TASOR: variants seen among roughly 807,000 people sequenced by gnomAD.
TASOR encodes the protein transcription activation suppressor.
Under a neutral mutation model 178.6 loss-of-function variants are expected in TASOR, and 53 were observed. The observed-to-expected ratio is 0.30, with a 90% CI of 0.24 to 0.37. The LOEUF (loss-of-function observed/expected upper bound fraction) is 0.37, where lower values mean the gene tolerates loss of function less well. Among genes scored for constraint, TASOR ranks in the 10% least tolerant of loss-of-function variants. The pLI is 1.00. For synonymous variants in TASOR, 713 were observed against 696.2 expected (o/e 1.02, Z -0.38); for missense variants, 1,815 against 1,971.4 (o/e 0.92, Z 1.50).
chr3:56,679,854 T>C (rs2031637654), intron 1 of TASOR, among the ~76,000 whole-genome samples: 1 of 152,206 alleles, frequency 6.6e-6, no homozygotes, highest in South Asian at 2.1e-4. Context: ...TTCTATAATT[T>C]GGTTAAATGT....
At chr3:56,627,520 A>G in intron 20 of TASOR, 62 bp downstream of exon 20, 1 of 1,536,580 alleles carries the variant, frequency 6.5e-7, no homozygotes. Flanking sequence ...ATAAATGGAC[A>G]GTACATTAAA....
At chr3:56,672,147 T>C (rs1559852624) in intron 2 of TASOR, among the ~76,000 whole-genome samples, 1 of 152,198 alleles carries the variant, frequency 6.6e-6, no homozygotes. Flanking sequence ...GCTCCATACA[T>C]ATTTATAGGA....
At position 56,669,372 on chromosome 3, in the gene TASOR, G is replaced by A. The variant is rs991912698; in HGVS notation, c.735+328C>T. Among the ~76,000 whole-genome samples, 43 of 151,902 alleles carry A rather than the reference G, an allele frequency of 2.8e-4. 1 individual carries two copies. Among genetic ancestry groups the A allele is most frequent in the African/African-American group, 7.0e-4 (29 of 41,344 alleles). On this transcript the variant is annotated intron_variant, in intron 5 of 23. Coordinates refer to ENST00000683822, the MANE Select transcript of TASOR (RefSeq NM_001365635.2). ...CAAAAAATTAGCCGGGCTTGGTGGCGGGCACTTGTAGTCCCAGCTACTTGG... is the reference window on the plus strand; with the variant it reads ...CAAAAAATTAGCCGGGCTTGGTGGCAGGCACTTGTAGTCCCAGCTACTTGG...
At position 56,633,673 on chromosome 3, in the gene TASOR, T is replaced by C; in HGVS notation, c.3118A>G (p.Asn1040Asp). The C allele has an allele frequency of 6.2e-7, 1 of 1,614,162 alleles. No homozygotes were observed. Among genetic ancestry groups the C allele is most frequent in the Non-Finnish European group, 8.5e-7 (1 of 1,180,026 alleles). The part of the protein sequence containing the change: ...RKIEEILKQK[N>D]VSYVSTVSTP... ...GAAACTGTACTGACATATGAAACAT[T>C]CTTTTGCTTCAAAATCTCTTCTATC... The change falls in exon 18 of 24, where the codon AAT (asparagine) becomes GAT (aspartate). Residue 1040 changes from asparagine to aspartate, a missense_variant. Coordinates refer to ENST00000683822, the MANE Select transcript of TASOR (RefSeq NM_001365635.2).
intron 1 of TASOR, among the ~76,000 whole-genome samples, chr3:56,679,221 T>A (rs9881154): frequency 0.37 from 56,207 of 151,884 alleles, 10,983 homozygotes; most frequent in East Asian, 0.49. Context: ...GATCTTTTTT[T>A]AAAATCACTT....
At chr3:56,647,705 T>A (rs1343818925) in intron 13 of TASOR, among the ~76,000 whole-genome samples, 1 of 152,160 alleles carries the variant, frequency 6.6e-6, no homozygotes, top group Non-Finnish European at 1.5e-5. Flanking sequence ...AACAGTGAAA[T>A]AAAGCCATTA....
chr3:56,682,305 G>A (rs1383314878), intron 1 of TASOR, among the ~76,000 whole-genome samples: 1 of 152,132 alleles, frequency 6.6e-6, no homozygotes, highest in Non-Finnish European at 1.5e-5. Context: ...CCATGGCCAC[G>A]GGCTATTTCC....
intron 8 of TASOR, 29 bp from the exon 9 acceptor site, chr3:56,662,519 T>A: frequency 8.5e-7 from 1 of 1,177,920 alleles, no homozygotes; most frequent in Non-Finnish European, 1.2e-6. Flanking sequence ...ATGACACAGC[T>A]TAGTCACTTG....
Position 56,624,554 on chromosome 3 carries a change from CAA to C in TASOR, c.4406_4407del (p.Leu1469ArgfsTer18). On this transcript the variant is annotated frameshift_variant, in exon 23 of 24. Transcript: ENST00000683822. LOFTEE classifies it high-confidence loss of function. The part of the protein sequence containing the change: ...AEDFMQNFKN[L>X]VGYHNSITEE... ...TCTGTGATTGAATTGTGATAGCCCA[CAA>C]GATTTTTAAAGTTTTGCATGAAGTC... 1 of 1,614,102 alleles carries C rather than the reference CAA, an allele frequency of 6.2e-7. No individual in the cohort carries two copies. The highest frequency in any genetic ancestry group is 8.5e-7 in the Non-Finnish European group (1 of 1,179,986).
rs578219623 is a variant in TASOR, at chr3:56,659,900, G to A, written c.1368+831C>T. On this transcript the variant is annotated intron_variant, in intron 11 of 23. Transcript: ENST00000683822. ...TTTTTTCTTTTTTTTTTGAGATGGA[G>A]TCTCGCTTTTGTCACTCAGGCTGGA... 1.5e-3 allele frequency among the ~76,000 whole-genome samples: 233 copies of A among 151,444 alleles called. 1 individual carries two copies. The highest frequency in any genetic ancestry group is 5.4e-3 in the African/African-American group (225 of 41,302).
chr3:56,636,356 C>T (rs1228141015), intron 17 of TASOR, among the ~76,000 whole-genome samples: 1 of 151,890 alleles, frequency 6.6e-6, no homozygotes, highest in East Asian at 1.9e-4. Flanking sequence ...TGAAAACACA[C>T]ATACATGTCA....
chr3:56,625,553 A>G (rs2076778701), intron 21 of TASOR, among the ~76,000 whole-genome samples: 1 of 152,238 alleles, frequency 6.6e-6, no homozygotes, highest in Non-Finnish European at 1.5e-5. Context: ...AGGCTGAGGC[A>G]GAAGAATCAC....
At chr3:56,661,233 A>G (rs1052410732) in intron 9 of TASOR, among the ~76,000 whole-genome samples, 1 of 152,018 alleles carries the variant, frequency 6.6e-6, no homozygotes, top group Admixed American at 6.6e-5. Context: ...TGCAGCTTCA[A>G]CCTCCTAGGA....
chr3:56,632,564 C>G (rs142373283), intron 18 of TASOR, among the ~76,000 whole-genome samples: 246 of 152,284 alleles, frequency 1.6e-3, no homozygotes, highest in African/African-American at 5.6e-3. Flanking sequence ...AAACAAGATT[C>G]TAAATTCTAA....
chr3:56,682,241 A>C (rs554937497), intron 1 of TASOR, among the ~76,000 whole-genome samples: 1 of 152,300 alleles, frequency 6.6e-6, no homozygotes, highest in Non-Finnish European at 1.5e-5. Flanking sequence ...CCACGGGGAG[A>C]AGCACTCATG....
At chr3:56,634,688 C>G (rs918936943) in intron 17 of TASOR, among the ~76,000 whole-genome samples, 8 of 152,158 alleles carry the variant, frequency 5.3e-5, no homozygotes, top group Admixed American at 2.6e-4. Flanking sequence ...AGCTATACCT[C>G]ATTTGAGATA....
At chr3:56,624,162 T>G (rs991535338) in intron 23 of TASOR, among the ~76,000 whole-genome samples, 11 of 152,100 alleles carry the variant, frequency 7.2e-5, no homozygotes, top group African/African-American at 2.7e-4. Context: ...TATAACCCCT[T>G]TGCTGACAAT....
At chr3:56,661,970 A>AT (rs1199233586) in intron 9 of TASOR, among the ~76,000 whole-genome samples, 32 of 85,682 alleles carry the variant, frequency 3.7e-4, no homozygotes, top group African/African-American at 2.9e-3. Flanking sequence ...TACTAAAAAT[A>AT]CAAAAAAAAA....
At chr3:56,634,406 G>T (rs1292610194) in intron 17 of TASOR, among the ~76,000 whole-genome samples, 2 of 152,190 alleles carry the variant, frequency 1.3e-5, no homozygotes, top group Admixed American at 6.5e-5. Flanking sequence ...TAAGGCAATT[G>T]TAAGAATACC....
Sources: gnomAD v4.1 joint callset for allele counts (sites outside exome capture counted in the v4.1 genomes callset) on GRCh38, gnomAD v4.1.1 for gene constraint, MANE v1.5 for transcripts, NCBI Gene and HGNC (gene_info 2026-07-23, HGNC 2026-07-21) for gene names.